OLFML2A: variants seen among roughly 807,000 people sequenced by gnomAD.
OLFML2A encodes olfactomedin like 2A.
A neutral mutation model predicts 60.9 loss-of-function variants in OLFML2A; 47 were observed. That is an observed-to-expected ratio of 0.77 (90% CI 0.61 to 0.98). OLFML2A has a LOEUF of 0.98. Among genes scored for constraint, OLFML2A ranks in the 50% least tolerant of loss-of-function variants. The pLI, the probability that OLFML2A is intolerant of heterozygous loss-of-function variation, is 0.00. For synonymous variants in OLFML2A, 372 were observed against 375.0 expected, an observed-to-expected ratio of 0.99 and a Z score of 0.09; for missense variants, 922 against 879.8, an observed-to-expected ratio of 1.05 and a Z score of -0.61.
rs550417711 is a variant in OLFML2A, at chr9:124,780,485, G to A, written c.90+3125G>A. Among the ~76,000 whole-genome samples the A allele has an allele frequency of 8.5e-5, 13 of 152,324 alleles. No individual in the cohort carries two copies. The South Asian group carries it at 1.0e-3, about 12-fold the overall frequency. ...CAGGCAGGCGGTGGTGTCCGGGGCT[G>A]GATCAGATGTTCCAGGCCAGGCTAG... On this transcript the variant is annotated intron_variant, in intron 1 of 7. Coordinates refer to ENST00000373580, the MANE Select transcript of OLFML2A (RefSeq NM_182487.4).
At chr9:124,789,825 G>A (rs1841539586) in intron 2 of OLFML2A, among the ~76,000 whole-genome samples, 1 of 152,260 alleles carries the variant, frequency 6.6e-6, no homozygotes, top group African/African-American at 2.4e-5. Flanking sequence ...TTTAAGCAAA[G>A]TGGCATCTTG....
chr9:124,807,869 G>A lies in OLFML2A; in HGVS notation c.1257G>A (p.Met419Ile). 6.2e-7 allele frequency: 1 copy of A among 1,614,140 alleles called. No homozygotes were observed. The highest frequency in any genetic ancestry group is 8.5e-7 in the Non-Finnish European group (1 of 1,180,002). The change falls in exon 7 of 8, where the codon ATG becomes ATA. Residue 419 changes from methionine (M) to isoleucine (I), a missense_variant. Met to Ile is a conservative substitution (Grantham distance 10, BLOSUM62 1). Transcript: ENST00000373580. ...ATGGGCGCCACGAGGGAGCCTGGAT[G>A]AAGGACCCTGCAGCTCGAGACGACA... is the stretch of plus-strand genomic sequence containing the variant. ...HSYGRHEGAW[M>I]KDPAARDDRI...
chr9:124,797,287 A>G (rs1246379387), intron 3 of OLFML2A, among the ~76,000 whole-genome samples: 1 of 152,194 alleles, frequency 6.6e-6, no homozygotes, highest in African/African-American at 2.4e-5. Flanking sequence ...AGCCCCTGGA[A>G]TCTAGTTTAA....
intron 2 of OLFML2A, among the ~76,000 whole-genome samples, chr9:124,792,758 A>C (rs983774958): frequency 4.6e-5 from 7 of 152,204 alleles, no homozygotes; most frequent in African/African-American, 1.7e-4. Flanking sequence ...GCTGGGCTTC[A>C]TGAAGCCCTC....
chr9:124,810,683 A>C lies in OLFML2A; in HGVS notation c.*271A>C. 2.1e-6 allele frequency: 1 copy of C among 485,224 alleles called. No homozygotes were observed. Among genetic ancestry groups the C allele is most frequent in the Non-Finnish European group, 3.7e-6 (1 of 270,686 alleles). 30.1% of individuals were successfully genotyped at this position (485,224 alleles called of 1,614,324 possible). A position where few individuals can be genotyped will look rare whatever the true frequency, so the allele number is the denominator to read the frequency against. On this transcript the variant is annotated 3_prime_UTR_variant, in exon 8 of 8. Coordinates refer to ENST00000373580, the MANE Select transcript of OLFML2A (RefSeq NM_182487.4). ...GAGGTAGAGATCATGAACCCATTTA[A>C]CAGACGAGGAGACAGGCTCAGAGAG...
At chr9:124,796,064 G>T (rs547784013) in intron 3 of OLFML2A, among the ~76,000 whole-genome samples, 157 of 152,360 alleles carry the variant, frequency 1.0e-3, no homozygotes, top group African/African-American at 3.7e-3. Flanking sequence ...GCCACTGGGA[G>T]TCTGGGGACA....
Position 124,809,977 on chromosome 9 carries a change from G to A in OLFML2A, c.1524G>A (p.Glu508=). Reference sequence around the variant, plus strand: ...CGCTGCTGCCCGACGTGGTATATGAGGACACCACACCTTGGAAGTGGCGCG... The same window carrying A: ...CGCTGCTGCCCGACGTGGTATATGAAGACACCACACCTTGGAAGTGGCGCG... ...SWALLPDVVY[E]DTTPWKWRGH... is the part of the protein sequence containing the mutation. The change falls in exon 8 of 8, where the codon GAG becomes GAA. Residue 508 remains glutamate, a synonymous_variant. Transcript: ENST00000373580. 1 of 1,614,136 alleles carries A rather than the reference G, an allele frequency of 6.2e-7. No homozygotes were observed. The highest frequency in any genetic ancestry group is 2.2e-5 in the East Asian group (1 of 44,880).
chr9:124,778,634 A>T (rs1026532383), intron 1 of OLFML2A, among the ~76,000 whole-genome samples: 21 of 149,686 alleles, frequency 1.4e-4, no homozygotes, highest in Non-Finnish European at 2.7e-4. Flanking sequence ...AAAAAAAAAA[A>T]AAATTAAATT....
At chr9:124,796,757 G>A (rs1337673192) in intron 3 of OLFML2A, among the ~76,000 whole-genome samples, 2 of 152,140 alleles carry the variant, frequency 1.3e-5, no homozygotes, top group Non-Finnish European at 2.9e-5. Context: ...AACCAGGGGT[G>A]ACTTTGCCCC....
intron 3 of OLFML2A, among the ~76,000 whole-genome samples, chr9:124,798,286 G>C (rs1841703215): frequency 6.6e-6 from 1 of 152,142 alleles, no homozygotes; most frequent in Non-Finnish European, 1.5e-5. Context: ...TGGATCACTT[G>C]AGGTCAGGAG....
At position 124,810,957 on chromosome 9, in the gene OLFML2A, G is replaced by C. The variant is rs1842008769; in HGVS notation, c.*545G>C. The C allele has an allele frequency of 1.9e-5, 3 of 154,962 alleles. No homozygotes were observed. 9.6% of individuals were successfully genotyped at this position (154,962 alleles called of 1,614,324 possible). A position where few individuals can be genotyped will look rare whatever the true frequency, so the allele number is the denominator to read the frequency against. ...CCTGCCATCCTAGGGCCCTGTTCTG[G>C]CTGAGCTGTTGGTGGCCCTGGGCTT... On this transcript the variant is annotated 3_prime_UTR_variant, in exon 8 of 8. Transcript: ENST00000373580.
At chr9:124,808,032 G>A (rs1841938507) in intron 7 of OLFML2A, 66 bp downstream of exon 7, 3 of 1,253,568 alleles carry the variant, frequency 2.4e-6, no homozygotes, top group South Asian at 2.6e-5. Context: ...TCCTCATGGG[G>A]ACTTGGCCTT....
At position 124,790,414 on chromosome 9, in the gene OLFML2A, A is replaced by T. The variant is rs192537193; in HGVS notation, c.354+3176A>T. On this transcript the variant is annotated intron_variant, in intron 2 of 7. Coordinates refer to ENST00000373580, the MANE Select transcript of OLFML2A (RefSeq NM_182487.4). ...GGTTTCAAACTCCTGACCTCAAGTG[A>T]TCCACGTCCCTCGGCCTCCCAATAT... Among the ~76,000 whole-genome samples the T allele has an allele frequency of 3.0e-3, 452 of 152,020 alleles. 7 individuals carry two copies. The highest frequency in any genetic ancestry group is 7.1e-4 in the Non-Finnish European group (48 of 67,980).
chr9:124,786,322 T>A (rs1315855977), intron 1 of OLFML2A, among the ~76,000 whole-genome samples: 3 of 150,140 alleles, frequency 2.0e-5, no homozygotes, highest in Non-Finnish European at 4.4e-5. Flanking sequence ...ACTAGGGAGG[T>A]TGAAGTGGGA....
In OLFML2A at chr9:124,801,129, C is replaced by G. The variant is rs79313759; in HGVS notation, c.670-285C>G. On this transcript the variant is annotated intron_variant, in intron 4 of 7. Coordinates refer to ENST00000373580, the MANE Select transcript of OLFML2A (RefSeq NM_182487.4). ...GGAGCTGGTCCTTCTAGCCTGCCCC[C>G]CAGGGGGATTGGACAGGAGTTGAGA... The G allele has an allele frequency of 2.0e-3, 2,818 of 1,411,220 alleles. 47 individuals carry two copies. In the African/African-American group the frequency reaches 0.036, roughly 18 times the overall value. The allele number at this position is 1,411,220 out of a possible 1,614,324, so 87.4% of individuals were successfully genotyped here.
chr9:124,807,248 A>G (rs574748417), intron 6 of OLFML2A, among the ~76,000 whole-genome samples: 12 of 151,032 alleles, frequency 7.9e-5, no homozygotes, highest in South Asian at 6.3e-4. Context: ...TAGATTCCAC[A>G]TATAATGAAT....
At chr9:124,786,835 T>C in intron 1 of OLFML2A, 140 bp from the exon 2 acceptor site, 1 of 728,846 alleles carries the variant, frequency 1.4e-6, no homozygotes, top group Non-Finnish European at 2.3e-6. Context: ...TCACCACCTC[T>C]AATTGCACCC....
At chr9:124,782,399 G>A (rs774126463) in intron 1 of OLFML2A, among the ~76,000 whole-genome samples, 8 of 152,230 alleles carry the variant, frequency 5.3e-5, no homozygotes, top group Non-Finnish European at 1.2e-4. Flanking sequence ...TCTGATAGCA[G>A]GTACCCCTTA....
intron 4 of OLFML2A, among the ~76,000 whole-genome samples, chr9:124,800,250 G>T (rs917822479): frequency 1.4e-4 from 21 of 152,208 alleles, no homozygotes; most frequent in African/African-American, 4.3e-4. Flanking sequence ...CCCCATTCAG[G>T]CTCCTCTGGC....
Sources: allele counts gnomAD v4.1 joint callset (sites outside exome capture counted in the v4.1 genomes callset), GRCh38; gene constraint gnomAD v4.1.1; transcripts MANE v1.5; gene names NCBI Gene and HGNC (gene_info 2026-07-23, HGNC 2026-07-21).